CNTN5: variants seen among roughly 807,000 people sequenced by gnomAD.
The protein encoded by CNTN5 is contactin 5, also known as contactin-5.
In CNTN5, 77 loss-of-function variants were observed where a neutral mutation model predicts 129.1. The ratio of observed to expected loss-of-function variants is 0.60; its 90% CI spans 0.50 to 0.72. The LOEUF (loss-of-function observed/expected upper bound fraction) is 0.72, where lower values mean the gene tolerates loss of function less well. CNTN5 is among the 30% of genes least tolerant of loss of function. CNTN5 has a pLI of 0.00. For missense variants in CNTN5, 1,478 were observed against 1,328.8 expected, an observed-to-expected ratio of 1.11 and a Z score of -1.75; for synonymous variants, 509 against 465.6, an observed-to-expected ratio of 1.09 and a Z score of -1.20.
chr11:100,347,258 T>C (rs570201913), intron 23 of CNTN5, among the ~76,000 whole-genome samples: 1 of 152,242 alleles, frequency 6.6e-6, no homozygotes, highest in Admixed American at 6.6e-5. Flanking sequence ...AGCCCATCCC[T>C]GTATTTCTCT....
At position 100,227,231 on chromosome 11, in the gene CNTN5, C is replaced by T. The variant is rs749609187; in HGVS notation, c.2005+2419C>T. Among the ~76,000 whole-genome samples the T allele has an allele frequency of 6.6e-5, 10 of 152,132 alleles. No individual in the cohort carries two copies. In the East Asian group the frequency reaches 7.7e-4, roughly 12 times the overall value. On this transcript the variant is annotated intron_variant, in intron 16 of 24. Transcript: ENST00000524871. The stretch of plus-strand genomic sequence containing the variant: ...AAAAATCTATGTTCTCTTTGATGGA[C>T]GGGAACAACTTTTTTATTGTCTTCC...
intron 9 of CNTN5, among the ~76,000 whole-genome samples, chr11:100,023,453 A>G (rs1243152291): frequency 6.6e-6 from 1 of 152,198 alleles, no homozygotes; most frequent in East Asian, 1.9e-4. Flanking sequence ...CTCTGTTATC[A>G]TCATCTACCA....
intron 24 of CNTN5, among the ~76,000 whole-genome samples, chr11:100,355,457 A>G (rs1374888105): frequency 6.6e-6 from 1 of 151,820 alleles, no homozygotes; most frequent in Non-Finnish European, 1.5e-5. Context: ...AAGTAGGAGT[A>G]CACTAAAATA....
chr11:99,956,650 C>G (rs181565056), intron 7 of CNTN5, among the ~76,000 whole-genome samples, 156 bp from the exon 8 acceptor site: 1 of 152,224 alleles, frequency 6.6e-6, no homozygotes, highest in Non-Finnish European at 1.5e-5. Context: ...TAACAATAAT[C>G]CTTTGAATAT....
intron 2 of CNTN5, among the ~76,000 whole-genome samples, chr11:99,374,961 G>C (rs547039800): frequency 6.6e-6 from 1 of 152,112 alleles, no homozygotes; most frequent in Non-Finnish European, 1.5e-5. Context: ...TTGTTTTCAG[G>C]CTGGAAAAGT....
intron 21 of CNTN5, among the ~76,000 whole-genome samples, chr11:100,310,348 T>C (rs761067403): frequency 6.6e-6 from 1 of 151,954 alleles, no homozygotes; most frequent in Non-Finnish European, 1.5e-5. Context: ...TTTTTATACC[T>C]GCCCTAATAG....
intron 3 of CNTN5, among the ~76,000 whole-genome samples, chr11:99,646,127 T>C (rs1013303050): frequency 6.6e-6 from 1 of 152,134 alleles, no homozygotes; most frequent in Non-Finnish European, 1.5e-5. Context: ...TGCCAGGAGC[T>C]GGAGTTATTT....
chr11:99,949,331 C>G (rs767762921), intron 7 of CNTN5, among the ~76,000 whole-genome samples: 14 of 152,148 alleles, frequency 9.2e-5, no homozygotes, highest in Non-Finnish European at 1.9e-4. Flanking sequence ...CATGGAACGA[C>G]TCCACAGCCT....
intron 1 of CNTN5, among the ~76,000 whole-genome samples, chr11:99,255,931 T>C (rs950463033): frequency 6.6e-6 from 1 of 151,956 alleles, no homozygotes; most frequent in Admixed American, 6.6e-5. Flanking sequence ...TTTTTAAAGA[T>C]AAGGAATTTA....
chr11:99,080,573 A>C (rs1374876756), intron 1 of CNTN5, among the ~76,000 whole-genome samples: 1 of 152,184 alleles, frequency 6.6e-6, no homozygotes, highest in East Asian at 1.9e-4. Context: ...TCTCAGTATG[A>C]GGAAAGATTT....
intron 2 of CNTN5, among the ~76,000 whole-genome samples, chr11:99,424,383 ACCCAGCATGCTGCACTCAGCTCAT>A (rs1943027724): frequency 2.0e-5 from 3 of 152,200 alleles, no homozygotes; most frequent in South Asian, 4.1e-4. Flanking sequence ...GGCTGGTGGC[ACCCAGCATGCTGCACTCAGCTCAT>A]GCTGCCGGCC....
chr11:99,704,483 G>A (rs146811875), intron 3 of CNTN5, among the ~76,000 whole-genome samples: 524 of 151,092 alleles, frequency 3.5e-3, no homozygotes, highest in Admixed American at 6.8e-3. Flanking sequence ...CTATGTTTTG[G>A]TCTGCAAGAT....
chr11:99,027,172 A>G (rs1000248400), intron 1 of CNTN5, among the ~76,000 whole-genome samples: 1 of 151,660 alleles, frequency 6.6e-6, no homozygotes. Flanking sequence ...AGAAAAAAGG[A>G]TTTAAGTGAT....
intron 9 of CNTN5, among the ~76,000 whole-genome samples, chr11:100,041,467 C>G (rs891072410): frequency 6.6e-6 from 1 of 152,186 alleles, no homozygotes; most frequent in Non-Finnish European, 1.5e-5. Flanking sequence ...AATGAATATA[C>G]ATGGCGTTAT....
chr11:99,240,318 T>A (rs115913757), intron 1 of CNTN5, among the ~76,000 whole-genome samples: 1 of 151,912 alleles, frequency 6.6e-6, no homozygotes, highest in African/African-American at 2.4e-5. Flanking sequence ...GAGTGAACAG[T>A]AGGAAAAAGT....
chr11:100,333,408 G>GAAAAAAAAAAAAAAAA (rs547220238), intron 21 of CNTN5, among the ~76,000 whole-genome samples: 1 of 74,274 alleles, frequency 1.3e-5, no homozygotes, highest in African/African-American at 5.4e-5. Flanking sequence ...CACTGAATTA[G>GAAAAAAAAAAAAAAAA]AAAAAAAAAA....
At chr11:99,849,043 T>C (rs1947790578) in intron 6 of CNTN5, among the ~76,000 whole-genome samples, 1 of 152,106 alleles carries the variant, frequency 6.6e-6, no homozygotes, top group Non-Finnish European at 1.5e-5. Context: ...TTGAACAGTG[T>C]TTAATAAACG....
At chr11:100,302,920 G>C (rs926272153) in intron 20 of CNTN5, among the ~76,000 whole-genome samples, 8 of 151,546 alleles carry the variant, frequency 5.3e-5, no homozygotes, top group African/African-American at 1.9e-4. Context: ...AAATGTTGAT[G>C]CTTGATCAAT....
In CNTN5 at chr11:100,202,131, A is replaced by C. The variant is rs150993375; in HGVS notation, c.1884+8468A>C. On this transcript the variant is annotated intron_variant, in intron 15 of 24. Transcript: ENST00000524871. ...GTTGTTTGACAAAACAAGAAAAAGAAATTTAGAAAGATAAACAACTTTCCC... is the reference window on the plus strand; with the variant it reads ...GTTGTTTGACAAAACAAGAAAAAGACATTTAGAAAGATAAACAACTTTCCC... Among the ~76,000 whole-genome samples, 281 of 152,164 alleles carry C rather than the reference A, an allele frequency of 1.8e-3. 1 individual carries two copies. The highest frequency in any genetic ancestry group is 6.3e-3 in the African/African-American group (262 of 41,558).
Sources: gnomAD v4.1 joint callset for allele counts (sites outside exome capture counted in the v4.1 genomes callset) on GRCh38, gnomAD v4.1.1 for gene constraint, MANE v1.5 for transcripts, NCBI Gene and HGNC (gene_info 2026-07-23, HGNC 2026-07-21) for gene names.